Variants in COL6A6 observed in about 807,000 individuals in gnomAD.
COL6A6 encodes collagen alpha-6(VI) chain.
Under a neutral mutation model 208.6 loss-of-function variants are expected in COL6A6, and 183 were observed. The observed-to-expected ratio is 0.88, with a 90% CI of 0.78 to 0.99. COL6A6 has a LOEUF of 0.99. Among genes scored for constraint, COL6A6 ranks in the 50% least tolerant of loss-of-function variants. The pLI, the probability that COL6A6 is intolerant of heterozygous loss-of-function variation, is 0.00. For synonymous variants in COL6A6, 973 were observed against 1,011.8 expected, an observed-to-expected ratio of 0.96 and a Z score of 0.73; for missense variants, 2,816 against 2,815.2, an observed-to-expected ratio of 1.00 and a Z score of -0.01.
At chr3:130,657,344 C>T (rs1171000594) in intron 33 of COL6A6, among the ~76,000 whole-genome samples, 1 of 152,242 alleles carries the variant, frequency 6.6e-6, no homozygotes, top group African/African-American at 2.4e-5. Context: ...CCAGATGGGC[C>T]ACCACTGCCA....
chr3:130,672,522 C>T (rs2066244549), intron 36 of COL6A6, among the ~76,000 whole-genome samples: 1 of 151,704 alleles, frequency 6.6e-6, no homozygotes, highest in Non-Finnish European at 1.5e-5. Context: ...CCTGCCTCAA[C>T]CTCCTGAGTA....
intron 8 of COL6A6, 125 bp from the exon 9 acceptor site, chr3:130,581,436 C>T (rs2063417804): frequency 1.6e-6 from 1 of 626,902 alleles, no homozygotes; most frequent in Non-Finnish European, 2.7e-6. Flanking sequence ...TTCATTTATG[C>T]CTTTCTTTGT....
intron 1 of COL6A6, among the ~76,000 whole-genome samples, chr3:130,548,531 A>G: frequency 6.6e-6 from 1 of 152,154 alleles, no homozygotes; most frequent in East Asian, 1.9e-4. Context: ...GCTGGTTAGG[A>G]TCTCCTTAAC....
intron 1 of COL6A6, among the ~76,000 whole-genome samples, chr3:130,525,575 T>G (rs1485616651): frequency 2.0e-5 from 3 of 152,266 alleles, no homozygotes; most frequent in African/African-American, 7.2e-5. Context: ...TGATTGGTTC[T>G]TCCTCTATGC....
intron 32 of COL6A6, among the ~76,000 whole-genome samples, chr3:130,646,066 G>T (rs2065454192): frequency 6.6e-6 from 1 of 152,114 alleles, no homozygotes; most frequent in African/African-American, 2.4e-5. Context: ...TAAACAAAGG[G>T]AAGCCCAGCA....
At chr3:130,601,252 T>C (rs1409523463) in intron 20 of COL6A6, among the ~76,000 whole-genome samples, 3 of 148,268 alleles carry the variant, frequency 2.0e-5, no homozygotes, top group Non-Finnish European at 3.0e-5. Context: ...TAGAAACTAC[T>C]TTAGTATATT....
chr3:130,569,104 C>T (rs901839718), intron 6 of COL6A6, among the ~76,000 whole-genome samples: 3 of 152,166 alleles, frequency 2.0e-5, no homozygotes, highest in Non-Finnish European at 4.4e-5. Context: ...GTCACGTGGG[C>T]TACATGTGGG....
chr3:130,562,747 A>AT (rs1229320495), intron 2 of COL6A6, among the ~76,000 whole-genome samples: 1 of 152,124 alleles, frequency 6.6e-6, no homozygotes, highest in Admixed American at 6.5e-5. Context: ...AAAACCCATG[A>AT]TTTTTTATTT....
chr3:130,584,238 A>G (rs185475615), intron 10 of COL6A6, among the ~76,000 whole-genome samples: 42 of 152,342 alleles, frequency 2.8e-4, no homozygotes, highest in Admixed American at 2.2e-3. Flanking sequence ...TAATAGTTAT[A>G]TGCATATTTC....
chr3:130,568,298 A>G lies in COL6A6; in HGVS notation c.2095A>G (p.Thr699Ala), dbSNP rs2063077692. 1 of 1,613,828 alleles carries G rather than the reference A, an allele frequency of 6.2e-7. No individual in the cohort carries two copies. Among genetic ancestry groups the G allele is most frequent in the South Asian group, 1.1e-5 (1 of 91,082 alleles). Residue 699 changes from threonine (T) to alanine (A), a missense_variant, in exon 6 of 37, where the codon ACC becomes GCC. Physicochemically the swap from Thr to Ala is moderately conservative, Grantham distance 58. Coordinates refer to ENST00000358511, the MANE Select transcript of COL6A6 (RefSeq NM_001102608.3). ...CCAAATGGCTCACATTGGACAAACCACCCTGACTGGTAGTGCCCTGAGCTT... is the reference window on the plus strand; with the variant it reads ...CCAAATGGCTCACATTGGACAAACCGCCCTGACTGGTAGTGCCCTGAGCTT... ...IDQMAHIGQT[T>A]LTGSALSFVS...
intron 33 of COL6A6, among the ~76,000 whole-genome samples, chr3:130,650,754 A>G (rs78479172): frequency 1.3e-5 from 2 of 151,894 alleles, no homozygotes; most frequent in African/African-American, 2.4e-5. Flanking sequence ...CTGCAAAATC[A>G]TAGAGAAACT....
In COL6A6 at chr3:130,563,001, T is replaced by C. The variant is rs2062927956; in HGVS notation, c.65-67T>C. The C allele has an allele frequency of 3.6e-6, 4 of 1,126,254 alleles. No homozygotes were observed. In the Admixed American group the frequency reaches 8.9e-5, roughly 25 times the overall value. The allele number at this position is 1,126,254 out of a possible 1,614,324, so 69.8% of individuals were successfully genotyped here. On this transcript the variant is annotated intron_variant, in intron 2 of 36. Transcript: ENST00000358511. ...AGGAAAGTACTTCCCCGCCATAGAG[T>C]TGGCATTAAATATGGCAGTAAATTT... is the stretch of plus-strand genomic sequence containing the variant.
At chr3:130,530,477 C>T (rs2062056426) in intron 1 of COL6A6, among the ~76,000 whole-genome samples, 1 of 152,166 alleles carries the variant, frequency 6.6e-6, no homozygotes, top group South Asian at 2.1e-4. Flanking sequence ...ATGAGATAAC[C>T]TAGAGCTGTT....
chr3:130,660,506 T>C (rs114811116), intron 34 of COL6A6, among the ~76,000 whole-genome samples: 3 of 152,388 alleles, frequency 2.0e-5, no homozygotes, highest in Non-Finnish European at 2.9e-5. Context: ...TCCATACTCA[T>C]GTTACTCCAT....
rs115548680 is a variant in COL6A6 at position 130,674,758 on chromosome 3, G to T, written c.6597-444G>T. 2.6e-3 allele frequency among the ~76,000 whole-genome samples: 403 copies of T among 152,278 alleles called. 1 individual carries two copies. Among genetic ancestry groups the T allele is most frequent in the African/African-American group, 9.4e-3 (390 of 41,548 alleles). On this transcript the variant is annotated intron_variant, in intron 36 of 36. Coordinates refer to ENST00000358511, the MANE Select transcript of COL6A6 (RefSeq NM_001102608.3). ...CTGTCTGGTTGGGTGGAAAAGTGAG[G>T]AACAGATCATAAGGAAGTTTACAGG...
At position 130,571,023 on chromosome 3, in the gene COL6A6, A is replaced by G. The variant is rs554013256; in HGVS notation, c.2607A>G (p.Lys869=). 37 of 1,613,938 alleles carry G rather than the reference A, an allele frequency of 2.3e-5. No individual in the cohort carries two copies. Residue 869 remains lysine, a synonymous_variant, in exon 7 of 37, where the codon AAA becomes AAG. Coordinates refer to ENST00000358511, the MANE Select transcript of COL6A6 (RefSeq NM_001102608.3). ...VLFYLDDFGT[K]LEVISVLQND... ...TTTATCTGGATGACTTTGGCACAAA[A>G]CTGGAGGTAATTTCAGTGCTCCAGA...
At chr3:130,586,881 G>A (rs2063554627) in intron 11 of COL6A6, among the ~76,000 whole-genome samples, 1 of 151,888 alleles carries the variant, frequency 6.6e-6, no homozygotes, top group South Asian at 2.1e-4. Context: ...GGCAAAAATA[G>A]GAGGAGGAAA....
chr3:130,602,980 A>G (rs2064070780), intron 20 of COL6A6, among the ~76,000 whole-genome samples: 1 of 152,218 alleles, frequency 6.6e-6, no homozygotes, highest in Non-Finnish European at 1.5e-5. Flanking sequence ...TGTTACAATG[A>G]GCATGGAGGA....
chr3:130,560,377 A>C lies in COL6A6; in HGVS notation c.13A>C (p.Ile5Leu), dbSNP rs2062855454. Residue 5 changes from isoleucine (I) to leucine (L), a missense_variant, in exon 2 of 37, where the codon ATT becomes CTT. Physicochemically the swap from Ile to Leu is conservative, Grantham distance 5 (BLOSUM62 2). Transcript: ENST00000358511. Reference protein sequence around the residue: MMLLILFLVIICSHI... With the variant: MMLLLLFLVIICSHI... Reference sequence around the variant, plus strand: ...TTCAGGTCATAATATGATGTTGCTAATTTTGTTCCTCGTGATAATTTGTTC... The same window carrying C: ...TTCAGGTCATAATATGATGTTGCTACTTTTGTTCCTCGTGATAATTTGTTC... 1.2e-6 allele frequency: 2 copies of C among 1,611,838 alleles called. No individual in the cohort carries two copies. The highest frequency in any genetic ancestry group is 2.2e-5 in the South Asian group (2 of 90,288).
Sources: gnomAD v4.1 joint callset for allele counts (sites outside exome capture counted in the v4.1 genomes callset) on GRCh38, gnomAD v4.1.1 for gene constraint, MANE v1.5 for transcripts, NCBI Gene and HGNC (gene_info 2026-07-23, HGNC 2026-07-21) for gene names.